The following PPP3CA variants were observed in gnomAD, a reference collection of about 807,000 sequenced individuals.
PPP3CA encodes the protein protein phosphatase 3 catalytic subunit alpha.
Under a neutral mutation model 66.5 loss-of-function variants are expected in PPP3CA, and 14 were observed. The observed-to-expected ratio is 0.21, with a 90% CI of 0.14 to 0.33. PPP3CA has a LOEUF of 0.33. Ranked by LOEUF, PPP3CA falls within the 10% of genes least tolerant of loss-of-function variation. The pLI, the probability that PPP3CA is intolerant of heterozygous loss-of-function variation, is 1.00. For synonymous variants in PPP3CA, 232 were observed against 226.2 expected (o/e 1.03, Z -0.23); for missense variants, 317 against 639.5 (o/e 0.50, Z 5.44).
intron 2 of PPP3CA, among the ~76,000 whole-genome samples, chr4:101,124,099 G>T (rs533163455): frequency 2.6e-5 from 4 of 152,166 alleles, no homozygotes; most frequent in African/African-American, 9.6e-5. Flanking sequence ...CTAGCATCAG[G>T]CTAGGCTTTT....
intron 1 of PPP3CA, among the ~76,000 whole-genome samples, chr4:101,278,508 A>C (rs959279358): frequency 2.0e-5 from 3 of 152,134 alleles, no homozygotes; most frequent in Non-Finnish European, 2.9e-5. Flanking sequence ...GGAGCTCTCA[A>C]ACTATGTTTC....
At chr4:101,332,544 G>A (rs963310919) in intron 1 of PPP3CA, among the ~76,000 whole-genome samples, 1 of 152,164 alleles carries the variant, frequency 6.6e-6, no homozygotes, top group Admixed American at 6.5e-5. Context: ...TTTGACAGTG[G>A]ATAGGAGGTG....
At chr4:101,032,624 T>C (rs1041510716) in intron 11 of PPP3CA, among the ~76,000 whole-genome samples, 5 of 152,170 alleles carry the variant, frequency 3.3e-5, no homozygotes, top group African/African-American at 4.8e-5. Context: ...CGAAGCTAGA[T>C]AGATAAAGAA....
intron 8 of PPP3CA, among the ~76,000 whole-genome samples, chr4:101,074,995 G>T (rs540917084): frequency 3.3e-5 from 5 of 152,308 alleles, no homozygotes; most frequent in African/African-American, 1.2e-4. Flanking sequence ...AGAAGCAAAG[G>T]CATGTCTTAT....
chr4:101,143,694 G>T (rs1174523221), intron 2 of PPP3CA, among the ~76,000 whole-genome samples: 2 of 151,944 alleles, frequency 1.3e-5, no homozygotes, highest in East Asian at 3.9e-4. Flanking sequence ...TTAATTGCAG[G>T]CATTATCCCT....
chr4:101,220,797 G>T (rs1413171412), intron 1 of PPP3CA, among the ~76,000 whole-genome samples: 1 of 151,468 alleles, frequency 6.6e-6, no homozygotes, highest in East Asian at 1.9e-4. Context: ...TTAAATTATG[G>T]CAGGTGTGCC....
intron 1 of PPP3CA, among the ~76,000 whole-genome samples, chr4:101,220,603 T>C (rs1725594910): frequency 6.7e-6 from 1 of 150,138 alleles, no homozygotes; most frequent in Non-Finnish European, 1.5e-5. Context: ...GTGTTTTTTG[T>C]TTGTTTGTTT....
chr4:101,303,115 G>C (rs1728429976), intron 1 of PPP3CA, among the ~76,000 whole-genome samples: 1 of 152,066 alleles, frequency 6.6e-6, no homozygotes, highest in Non-Finnish European at 1.5e-5. Flanking sequence ...GGAAATACAA[G>C]GACAGATTCT....
chr4:101,094,980 AT>A (rs538107352), intron 5 of PPP3CA, among the ~76,000 whole-genome samples: 7 of 149,430 alleles, frequency 4.7e-5, no homozygotes, highest in East Asian at 2.0e-4. Flanking sequence ...CAAATTGTCT[AT>A]TTTTTTTTTC....
intron 1 of PPP3CA, among the ~76,000 whole-genome samples, chr4:101,226,946 A>G (rs1725801851): frequency 6.6e-6 from 1 of 151,642 alleles, no homozygotes; most frequent in African/African-American, 2.4e-5. Context: ...ATTTTTTTAT[A>G]TGATGGACAC....
intron 1 of PPP3CA, among the ~76,000 whole-genome samples, chr4:101,277,514 T>C (rs1727540167): frequency 6.6e-6 from 1 of 152,226 alleles, no homozygotes; most frequent in Non-Finnish European, 1.5e-5. Context: ...CTTATGAATA[T>C]TCAGATAATA....
rs535358075 is a variant in PPP3CA at position 101,208,830 on chromosome 4, A to G, written c.59-12714T>C. Among the ~76,000 whole-genome samples the G allele has an allele frequency of 9.2e-5, 14 of 152,330 alleles. No homozygotes were observed. The South Asian group carries it at 1.9e-3, about 20-fold the overall frequency. On this transcript the variant is annotated intron_variant, in intron 1 of 13. Coordinates refer to ENST00000394854, the MANE Select transcript of PPP3CA (RefSeq NM_000944.5). ...AGTAGAAGGTTCTCATTCCCAAAAG[A>G]GTGAATTCAGTAATTCATAATGAAA...
At chr4:101,154,008 T>C (rs1410022704) in intron 2 of PPP3CA, among the ~76,000 whole-genome samples, 1 of 152,176 alleles carries the variant, frequency 6.6e-6, no homozygotes, top group Non-Finnish European at 1.5e-5. Flanking sequence ...CCATGGCCAC[T>C]TTTAAAAGAA....
At chr4:101,257,474 A>C (rs557010206) in intron 1 of PPP3CA, among the ~76,000 whole-genome samples, 1 of 151,922 alleles carries the variant, frequency 6.6e-6, no homozygotes, top group African/African-American at 2.4e-5. Flanking sequence ...AACCTCACCT[A>C]TAAGTATTTA....
intron 2 of PPP3CA, among the ~76,000 whole-genome samples, chr4:101,123,648 T>TG (rs1158324432): frequency 1.3e-5 from 2 of 152,098 alleles, no homozygotes; most frequent in Non-Finnish European, 2.9e-5. Context: ...CTGCACAACG[T>TG]GGTGAAACCA....
At chr4:101,129,495 A>T (rs1018891304) in intron 2 of PPP3CA, among the ~76,000 whole-genome samples, 4 of 152,156 alleles carry the variant, frequency 2.6e-5, no homozygotes, top group African/African-American at 7.2e-5. Context: ...CATATAGGAA[A>T]GCTCTGGCTG....
chr4:101,025,942 T>C lies in PPP3CA; in HGVS notation c.1489A>G (p.Asn497Asp), dbSNP rs1726627239. The C allele has an allele frequency of 6.2e-7, 1 of 1,612,672 alleles. No homozygotes were observed. The highest frequency in any genetic ancestry group is 8.5e-7 in the Non-Finnish European group (1 of 1,179,532). Residue 497 changes from asparagine to aspartate, a missense_variant, in exon 14 of 14, where the codon AAC becomes GAC. Physicochemically the swap from Asn to Asp is conservative, Grantham distance 23. This residue lies in a region of PPP3CA where 40 missense variants were observed against 38.6 expected (regional missense o/e 1.04). Coordinates refer to ENST00000394854, the MANE Select transcript of PPP3CA (RefSeq NM_000944.5). ...RDAMPSDANLNSINKALTSET... is the reference protein window; with the variant it reads ...RDAMPSDANLDSINKALTSET... The stretch of plus-strand genomic sequence containing the variant: ...GAGGTGAGAGCCTTGTTGATGGAGT[T>C]AAGGTTGGCGTCAGAGGGCATGGCA...
At chr4:101,164,836 A>G (rs950895154) in intron 2 of PPP3CA, among the ~76,000 whole-genome samples, 1 of 152,180 alleles carries the variant, frequency 6.6e-6, no homozygotes, top group Non-Finnish European at 1.5e-5. Context: ...AAATAGGATT[A>G]GGTTCATATA....
At chr4:101,302,608 G>A (rs887235445) in intron 1 of PPP3CA, among the ~76,000 whole-genome samples, 1 of 152,110 alleles carries the variant, frequency 6.6e-6, no homozygotes, top group African/African-American at 2.4e-5. Flanking sequence ...TCAGCTTACC[G>A]CAACCTCCGC....
Sources: gnomAD v4.1 joint callset for allele counts (sites outside exome capture counted in the v4.1 genomes callset) on GRCh38, gnomAD v4.1.1 for gene constraint, gnomAD v4.1.1 regional missense constraint, MANE v1.5 for transcripts, NCBI Gene and HGNC (gene_info 2026-07-23, HGNC 2026-07-21) for gene names.